The following TBL1XR1 variants were observed in gnomAD, a reference collection of about 807,000 sequenced individuals.
TBL1XR1 encodes the protein F-box-like/WD repeat-containing protein TBL1XR1.
Under a neutral mutation model 66.9 loss-of-function variants are expected in TBL1XR1, and 5 were observed. That is an observed-to-expected ratio of 0.07 (90% CI 0.04 to 0.16). The LOEUF (loss-of-function observed/expected upper bound fraction) is 0.16. Ranked by LOEUF, TBL1XR1 falls within the 10% of genes least tolerant of loss-of-function variation. TBL1XR1 has a pLI of 1.00. For missense variants in TBL1XR1, 238 were observed against 623.2 expected, an observed-to-expected ratio of 0.38 and a Z score of 6.58; for synonymous variants, 210 against 206.0, an observed-to-expected ratio of 1.02 and a Z score of -0.17.
intron 10 of TBL1XR1, among the ~76,000 whole-genome samples, chr3:177,042,168 T>C (rs911857548): frequency 3.3e-5 from 5 of 152,216 alleles, no homozygotes; most frequent in Non-Finnish European, 7.3e-5. Flanking sequence ...TTAAGTATTA[T>C]CACTTAAAAT....
chr3:177,151,392 C>A (rs1186899090), intron 1 of TBL1XR1, among the ~76,000 whole-genome samples: 1 of 152,192 alleles, frequency 6.6e-6, no homozygotes, highest in Non-Finnish European at 1.5e-5. Flanking sequence ...GGCAGTGGGG[C>A]CAGCATTACC....
chr3:177,052,802 TAG>T (rs1717274835), intron 4 of TBL1XR1, among the ~76,000 whole-genome samples: 1 of 152,150 alleles, frequency 6.6e-6, no homozygotes. Flanking sequence ...CTCCTCACTA[TAG>T]ATAAAAATTT....
intron 2 of TBL1XR1, among the ~76,000 whole-genome samples, chr3:177,084,122 A>C (rs186299926): frequency 1.3e-5 from 2 of 152,114 alleles, no homozygotes; most frequent in African/African-American, 4.8e-5. Context: ...AAAGAAAAGA[A>C]AAAACTTACA....
intron 1 of TBL1XR1, among the ~76,000 whole-genome samples, chr3:177,153,473 C>T (rs1038274640): frequency 1.3e-5 from 2 of 152,066 alleles, no homozygotes; most frequent in Non-Finnish European, 2.9e-5. Context: ...CCAGTGTTTA[C>T]AGCATATAAA....
At chr3:177,097,883 G>A (rs889906060) in intron 2 of TBL1XR1, among the ~76,000 whole-genome samples, 10 of 152,138 alleles carry the variant, frequency 6.6e-5, no homozygotes, top group Non-Finnish European at 1.3e-4. Flanking sequence ...CCTGATGACC[G>A]TAGCTAAGAC....
chr3:177,056,171 GAAAGTGTCTTGACT>G (rs1717780268), intron 3 of TBL1XR1, among the ~76,000 whole-genome samples: 1 of 152,198 alleles, frequency 6.6e-6, no homozygotes, highest in African/African-American at 2.4e-5. Context: ...CCAAGGTTTT[GAAAGTGTCTTGACT>G]TATGTAATGC....
chr3:177,085,921 G>C (rs914985820), intron 2 of TBL1XR1, among the ~76,000 whole-genome samples: 1 of 152,082 alleles, frequency 6.6e-6, no homozygotes, highest in African/African-American at 2.4e-5. Flanking sequence ...GTGCAAATGA[G>C]ATAATGGTTC....
At chr3:177,058,416 G>T (rs1180516371) in intron 3 of TBL1XR1, among the ~76,000 whole-genome samples, 2 of 152,176 alleles carry the variant, frequency 1.3e-5, no homozygotes, top group East Asian at 3.9e-4. Context: ...CCCTAATTTT[G>T]CCCTTAAAAA....
At chr3:177,034,377 T>C (rs1384205787) in intron 12 of TBL1XR1, 52 bp from the exon 13 acceptor site, 7 of 1,306,412 alleles carry the variant, frequency 5.4e-6, no homozygotes, top group Non-Finnish European at 7.1e-6. Flanking sequence ...AATGAGTATA[T>C]TTAAAATATT....
At chr3:177,090,589 G>A (rs1722706729) in intron 2 of TBL1XR1, among the ~76,000 whole-genome samples, 1 of 151,718 alleles carries the variant, frequency 6.6e-6, no homozygotes, top group African/African-American at 2.4e-5. Flanking sequence ...TTGGGAGGCT[G>A]AGGCAGGTGG....
In TBL1XR1 at chr3:177,023,514, G is replaced by A. The variant is rs967836346; in HGVS notation, c.*1984C>T. ...TAAAAAGAGCTGGCACAAAACCATC[G>A]TGAATGACTGCCTCTCTTGATGTAA... On this transcript the variant is annotated 3_prime_UTR_variant, in exon 16 of 16. Transcript: ENST00000457928. 6.6e-6 allele frequency: 1 copy of A among 152,294 alleles called. No individual in the cohort carries two copies. Among genetic ancestry groups the A allele is most frequent in the Non-Finnish European group, 1.5e-5 (1 of 67,914 alleles). The allele number at this position is 152,294 out of a possible 1,614,324, so 9.4% of individuals were successfully genotyped here.
At chr3:177,109,137 A>T (rs1349175903) in intron 1 of TBL1XR1, among the ~76,000 whole-genome samples, 1 of 152,210 alleles carries the variant, frequency 6.6e-6, no homozygotes, top group Non-Finnish European at 1.5e-5. Context: ...AGTAAATTGT[A>T]TATTTGTAAT....
intron 3 of TBL1XR1, among the ~76,000 whole-genome samples, chr3:177,063,667 T>A (rs554306072): frequency 6.6e-6 from 1 of 152,216 alleles, no homozygotes; most frequent in Non-Finnish European, 1.5e-5. Flanking sequence ...TTTTATCTTA[T>A]TCAAAACATT....
intron 1 of TBL1XR1, among the ~76,000 whole-genome samples, chr3:177,172,718 A>AGCC (rs1733713036): frequency 6.7e-6 from 1 of 150,240 alleles, no homozygotes; most frequent in African/African-American, 2.4e-5. Context: ...AGAAGAGCCA[A>AGCC]GCCGAGCCAA....
chr3:177,160,473 C>CAA (rs11303033), intron 1 of TBL1XR1, among the ~76,000 whole-genome samples: 85 of 117,178 alleles, frequency 7.3e-4, no homozygotes, highest in African/African-American at 2.6e-3. Flanking sequence ...GACTCTGTCT[C>CAA]AAAAAAAAAA....
At chr3:177,174,318 A>G (rs538058838) in intron 1 of TBL1XR1, among the ~76,000 whole-genome samples, 80 of 150,856 alleles carry the variant, frequency 5.3e-4, no homozygotes, top group Non-Finnish European at 1.0e-4. Context: ...CTGAGGCAGA[A>G]GAATGGCGTG....
At chr3:177,097,537 C>A (rs1313020589) in intron 2 of TBL1XR1, among the ~76,000 whole-genome samples, 3 of 152,020 alleles carry the variant, frequency 2.0e-5, no homozygotes, top group African/African-American at 7.3e-5. Flanking sequence ...AAGCAAATGC[C>A]AGCTCCCACA....
chr3:177,158,182 A>C (rs570189281), intron 1 of TBL1XR1, among the ~76,000 whole-genome samples: 1 of 151,210 alleles, frequency 6.6e-6, no homozygotes, highest in East Asian at 1.9e-4. Flanking sequence ...AAAAACAAAA[A>C]AAACCCTGCT....
chr3:177,099,035 C>T (rs528043416), intron 1 of TBL1XR1, among the ~76,000 whole-genome samples: 1 of 152,294 alleles, frequency 6.6e-6, no homozygotes, highest in Admixed American at 6.5e-5. Flanking sequence ...TAAGTCAGGG[C>T]ACCTTATATT....
Sources: allele counts gnomAD v4.1 joint callset (sites outside exome capture counted in the v4.1 genomes callset), GRCh38; gene constraint gnomAD v4.1.1; transcripts MANE v1.5; gene names NCBI Gene and HGNC (gene_info 2026-07-23, HGNC 2026-07-21).